ETV6: variants seen among roughly 807,000 people sequenced by gnomAD.
ETV6 encodes the protein transcription factor ETV6.
ETV6 carries 16 observed loss-of-function variants against 51.1 expected under a neutral mutation model. That is an observed-to-expected ratio of 0.31 (90% CI 0.21 to 0.48). The LOEUF is 0.48. Ranked by LOEUF, ETV6 falls within the 20% of genes least tolerant of loss-of-function variation. ETV6 has a pLI of 0.99. For missense variants in ETV6, 458 were observed against 594.8 expected, an observed-to-expected ratio of 0.77 and a Z score of 2.39; for synonymous variants, 240 against 224.1, an observed-to-expected ratio of 1.07 and a Z score of -0.64.
intron 1 of ETV6, among the ~76,000 whole-genome samples, chr12:11,674,462 G>A (rs962212730): frequency 2.6e-5 from 4 of 151,878 alleles, no homozygotes; most frequent in African/African-American, 7.3e-5. Context: ...CCCTGCCCTC[G>A]AGATTTAATA....
intron 5 of ETV6, among the ~76,000 whole-genome samples, chr12:11,874,234 G>A (rs1360417900): frequency 6.6e-6 from 1 of 151,454 alleles, no homozygotes; most frequent in Non-Finnish European, 1.5e-5. Context: ...AAAATTCGTC[G>A]GGCATGGTGG....
At chr12:11,878,906 T>C (rs1033686006) in intron 5 of ETV6, among the ~76,000 whole-genome samples, 15 of 150,018 alleles carry the variant, frequency 1.0e-4, no homozygotes, top group Admixed American at 4.7e-4. Flanking sequence ...TTCTCAACAC[T>C]CTCGATATTT....
intron 1 of ETV6, among the ~76,000 whole-genome samples, chr12:11,735,810 G>T (rs1865693388): frequency 6.6e-6 from 1 of 152,200 alleles, no homozygotes; most frequent in South Asian, 2.1e-4. Flanking sequence ...ATGTTGCCCA[G>T]ACTGGTCTCG....
At chr12:11,823,547 A>G (rs1287678138) in intron 2 of ETV6, among the ~76,000 whole-genome samples, 1 of 150,376 alleles carries the variant, frequency 6.6e-6, no homozygotes, top group Non-Finnish European at 1.5e-5. Context: ...GCTCACTGCA[A>G]CCTCTGCCTC....
At chr12:11,812,283 G>A (rs866802511) in intron 2 of ETV6, among the ~76,000 whole-genome samples, 2 of 151,996 alleles carry the variant, frequency 1.3e-5, no homozygotes, top group Admixed American at 6.6e-5. Flanking sequence ...GGCCCCTTCC[G>A]CCTCTAATTC....
At chr12:11,760,424 TA>T (rs1354401177) in intron 2 of ETV6, among the ~76,000 whole-genome samples, 1 of 152,218 alleles carries the variant, frequency 6.6e-6, no homozygotes, top group Admixed American at 6.5e-5. Flanking sequence ...TGCACAGGGC[TA>T]CGCAGTGAAT....
intron 2 of ETV6, among the ~76,000 whole-genome samples, chr12:11,777,764 C>G (rs185835581): frequency 2.9e-4 from 44 of 152,236 alleles, no homozygotes; most frequent in African/African-American, 7.7e-4. Context: ...CTCCACCCCC[C>G]ACCCTAGCAA....
At chr12:11,736,548 T>A (rs577621300) in intron 1 of ETV6, among the ~76,000 whole-genome samples, 1 of 152,328 alleles carries the variant, frequency 6.6e-6, no homozygotes, top group South Asian at 2.1e-4. Context: ...AAAGTATTTT[T>A]GAGGAATGGT....
Position 11,894,568 on chromosome 12 carries a change from T to A in ETV6, c.*3522T>A, listed in dbSNP as rs190263521. 1 of 233,250 alleles carries A rather than the reference T, an allele frequency of 4.3e-6. No homozygotes were observed. Among genetic ancestry groups the A allele is most frequent in the East Asian group, 6.0e-5 (1 of 16,588 alleles). 14.4% of individuals were successfully genotyped at this position (233,250 alleles called of 1,614,324 possible). ...CACCAGTATGTTTGGAACCCTCTGA[T>A]CCAATGTCTTTTGATACTGATCTCT... On this transcript the variant is annotated 3_prime_UTR_variant, in exon 8 of 8. Transcript: ENST00000396373.
chr12:11,788,356 C>T (rs1007254432), intron 2 of ETV6, among the ~76,000 whole-genome samples: 1 of 152,022 alleles, frequency 6.6e-6, no homozygotes, highest in Non-Finnish European at 1.5e-5. Flanking sequence ...TGTAACCAAA[C>T]GCAGCAATTC....
rs34966596 is a variant in ETV6, at chr12:11,752,498, G to C, written c.82G>C (p.Ala28Pro). 9.3e-6 allele frequency: 15 copies of C among 1,613,728 alleles called. No homozygotes were observed. Among genetic ancestry groups the C allele is most frequent in the Non-Finnish European group, 1.1e-5 (13 of 1,179,936 alleles). Residue 28 changes from alanine to proline, a missense_variant, in exon 2 of 8, where the codon GCT (alanine) becomes CCT (proline). By Grantham distance (27) the Ala-to-Pro change is conservative. Coordinates refer to ENST00000396373, the MANE Select transcript of ETV6 (RefSeq NM_001987.5). ...TPPESPVPSY[A>P]SSTPLHVPVP... ...TCCAGAGAGCCCAGTGCCGAGTTACGCTTCCTCGACGCCACTTCATGTTCC... is the reference window on the plus strand; with the variant it reads ...TCCAGAGAGCCCAGTGCCGAGTTACCCTTCCTCGACGCCACTTCATGTTCC...
At chr12:11,736,444 C>T (rs750057734) in intron 1 of ETV6, among the ~76,000 whole-genome samples, 4 of 152,148 alleles carry the variant, frequency 2.6e-5, no homozygotes, top group Non-Finnish European at 4.4e-5. Flanking sequence ...CAAGTCTGTC[C>T]AGGTATACTT....
chr12:11,875,885 A>C (rs1158889733), intron 5 of ETV6, among the ~76,000 whole-genome samples: 1 of 152,218 alleles, frequency 6.6e-6, no homozygotes, highest in Non-Finnish European at 1.5e-5. Context: ...CTGCAGTGGC[A>C]GAGTTGAGTA....
At chr12:11,784,847 C>A (rs546060337) in intron 2 of ETV6, among the ~76,000 whole-genome samples, 17 of 149,204 alleles carry the variant, frequency 1.1e-4, no homozygotes, top group African/African-American at 4.3e-4. Context: ...CAAGTGTGCA[C>A]CCCGTGCCTT....
At chr12:11,689,185 G>A (rs1038235410) in intron 1 of ETV6, among the ~76,000 whole-genome samples, 1 of 152,154 alleles carries the variant, frequency 6.6e-6, no homozygotes, top group Non-Finnish European at 1.5e-5. Flanking sequence ...GCATTTTAAA[G>A]TATGGAAGTA....
In ETV6 at chr12:11,893,149, C is replaced by G. The variant is rs1947321156; in HGVS notation, c.*2103C>G. ...ATCCCTATTTCAGCCTCTAAGATGACTGGTATTCTATCTGAAATGCAGAGA... is the reference window on the plus strand; with the variant it reads ...ATCCCTATTTCAGCCTCTAAGATGAGTGGTATTCTATCTGAAATGCAGAGA... On this transcript the variant is annotated 3_prime_UTR_variant, in exon 8 of 8. Coordinates refer to ENST00000396373, the MANE Select transcript of ETV6 (RefSeq NM_001987.5). 1 of 232,722 alleles carries G rather than the reference C, an allele frequency of 4.3e-6. No homozygotes were observed. The highest frequency in any genetic ancestry group is 2.2e-5 in the African/African-American group (1 of 45,300). 14.4% of individuals were successfully genotyped at this position (232,722 alleles called of 1,614,324 possible).
intron 1 of ETV6, among the ~76,000 whole-genome samples, chr12:11,662,291 G>A (rs1009625175): frequency 6.6e-6 from 1 of 152,126 alleles, no homozygotes; most frequent in African/African-American, 2.4e-5. Context: ...AGGAAGAAAG[G>A]TAGGTGAGCC....
rs1191522445 is a variant in ETV6, at chr12:11,891,625, G to C, written c.*579G>C. The C allele has an allele frequency of 3.8e-6, 2 of 528,924 alleles. No homozygotes were observed. The highest frequency in any genetic ancestry group is 3.1e-5 in the South Asian group (2 of 63,526). The allele number at this position is 528,924 out of a possible 1,614,324, so 32.8% of individuals were successfully genotyped here. A position where few individuals can be genotyped will look rare whatever the true frequency, so the allele number is the denominator to read the frequency against. On this transcript the variant is annotated 3_prime_UTR_variant, in exon 8 of 8. Coordinates refer to ENST00000396373, the MANE Select transcript of ETV6 (RefSeq NM_001987.5). The stretch of plus-strand genomic sequence containing the variant: ...GAAAAAAAAAAATGCTTTTAAAAAA[G>C]ATAAAATGAAAAGGAGAGCTCTCTT...
At chr12:11,784,480 C>G (rs1047548348) in intron 2 of ETV6, among the ~76,000 whole-genome samples, 1 of 148,512 alleles carries the variant, frequency 6.7e-6, no homozygotes, top group Non-Finnish European at 1.5e-5. Context: ...AAAAAAGATA[C>G]AGAATTTAAC....
Sources: gnomAD v4.1 joint callset for allele counts (sites outside exome capture counted in the v4.1 genomes callset) on GRCh38, gnomAD v4.1.1 for gene constraint, MANE v1.5 for transcripts, NCBI Gene and HGNC (gene_info 2026-07-23, HGNC 2026-07-21) for gene names.